Variants in FARS2 observed in about 807,000 individuals in gnomAD.
The protein encoded by FARS2 is phenylalanine--tRNA ligase, mitochondrial.
In FARS2, 40 loss-of-function variants were observed where a neutral mutation model predicts 46.4. The ratio of observed to expected loss-of-function variants is 0.86; its 90% CI spans 0.67 to 1.12. The LOEUF is 1.12. Among genes scored for constraint, FARS2 ranks in the 50% most tolerant of loss-of-function variants. The pLI is 0.00. For missense variants in FARS2, 513 were observed against 567.9 expected, an observed-to-expected ratio of 0.90 and a Z score of 0.98; for synonymous variants, 234 against 214.9, an observed-to-expected ratio of 1.09 and a Z score of -0.78.
At chr6:5,478,232 C>G (rs1410060588) in intron 4 of FARS2, among the ~76,000 whole-genome samples, 1 of 152,148 alleles carries the variant, frequency 6.6e-6, no homozygotes, top group African/African-American at 2.4e-5. Context: ...TTTCATTAGC[C>G]TAACCTGTGA....
intron 4 of FARS2, among the ~76,000 whole-genome samples, chr6:5,469,413 C>T (rs1390623785): frequency 3.9e-5 from 6 of 152,268 alleles, no homozygotes; most frequent in Admixed American, 3.3e-4. Context: ...TAGCTAATCC[C>T]TCCGCTGGAT....
intron 6 of FARS2, among the ~76,000 whole-genome samples, chr6:5,760,314 C>G (rs540700729): frequency 1.2e-4 from 18 of 152,204 alleles, no homozygotes; most frequent in Non-Finnish European, 2.2e-4. Flanking sequence ...ATAGGTGGCT[C>G]TTAATACCAT....
At chr6:5,287,565 G>A (rs1321062538) in intron 1 of FARS2, among the ~76,000 whole-genome samples, 1 of 152,098 alleles carries the variant, frequency 6.6e-6, no homozygotes, top group Non-Finnish European at 1.5e-5. Context: ...GGGGACATTC[G>A]GGCTGCTGTT....
At chr6:5,593,346 G>A (rs1460436660) in intron 5 of FARS2, among the ~76,000 whole-genome samples, 14 of 150,542 alleles carry the variant, frequency 9.3e-5, no homozygotes, top group African/African-American at 1.7e-4. Flanking sequence ...GTGCACGGCC[G>A]TACCCAGTAA....
intron 4 of FARS2, among the ~76,000 whole-genome samples, chr6:5,543,864 T>G (rs187260046): frequency 1.4e-4 from 21 of 150,306 alleles, no homozygotes; most frequent in Non-Finnish European, 3.0e-4. Context: ...TGAATCTGGA[T>G]TAGTTATGTT....
chr6:5,262,078 T>C (rs1765187579), intron 1 of FARS2, among the ~76,000 whole-genome samples: 1 of 152,174 alleles, frequency 6.6e-6, no homozygotes, highest in Non-Finnish European at 1.5e-5. Context: ...TAATCAACCT[T>C]AGGAAGAACC....
intron 6 of FARS2, among the ~76,000 whole-genome samples, chr6:5,698,069 G>C (rs1236381479): frequency 1.3e-5 from 2 of 152,154 alleles, no homozygotes; most frequent in Non-Finnish European, 2.9e-5. Context: ...GGGAAGAAAA[G>C]ATAAAGCACC....
At position 5,413,205 on chromosome 6, in the gene FARS2, T is replaced by C. The variant is rs552894621; in HGVS notation, c.772+8504T>C. On this transcript the variant is annotated intron_variant, in intron 3 of 6. Transcript: ENST00000274680. ...TAGTTGAGCTGAACTATAATACTTT[T>C]AAGGAGCCCAGAAACCTTCCTGATT... Among the ~76,000 whole-genome samples the C allele has an allele frequency of 5.9e-5, 9 of 152,318 alleles. No individual in the cohort carries two copies. The East Asian group carries it at 1.2e-3, about 20-fold the overall frequency.
chr6:5,613,110 T>A, intron 5 of FARS2, 59 bp from the exon 6 acceptor site: 1 of 1,476,366 alleles, frequency 6.8e-7, no homozygotes, highest in Non-Finnish European at 9.3e-7. Context: ...TTATGAAAAA[T>A]TTAAATATTC....
chr6:5,289,909 C>G (rs927593552), intron 1 of FARS2, among the ~76,000 whole-genome samples: 6 of 152,198 alleles, frequency 3.9e-5, no homozygotes, highest in African/African-American at 1.4e-4. Context: ...TCCCTGCCTC[C>G]AAACCCTATT....
chr6:5,610,073 G>A, intron 5 of FARS2: 1 of 920,112 alleles, frequency 1.1e-6, no homozygotes, highest in Middle Eastern at 3.2e-4. Flanking sequence ...TTACCACACA[G>A]TCCAGGAGCA....
rs1765815055 is a variant in FARS2, at chr6:5,471,703, G to A, written c.904+40531G>A. On this transcript the variant is annotated intron_variant, in intron 4 of 6. Coordinates refer to ENST00000274680, the MANE Select transcript of FARS2 (RefSeq NM_006567.5). This position sits in a 1 kb window ranked among gnomAD's most constrained non-coding sequence, Gnocchi z 4.1. ...GGCAGATCATATTCTGTATGATCTT[G>A]TTGGCTCATATTATGTGGTGATTAG... 6.6e-6 allele frequency among the ~76,000 whole-genome samples: 1 copy of A among 152,210 alleles called. No homozygotes were observed. The highest frequency in any genetic ancestry group is 6.5e-5 in the Admixed American group (1 of 15,290).
At chr6:5,502,847 A>G (rs1767880939) in intron 4 of FARS2, among the ~76,000 whole-genome samples, 1 of 152,224 alleles carries the variant, frequency 6.6e-6, no homozygotes, top group African/African-American at 2.4e-5. Context: ...CCAATTTTAT[A>G]TCACAGCCAT....
At chr6:5,679,399 C>T (rs1399047172) in intron 6 of FARS2, among the ~76,000 whole-genome samples, 1 of 152,136 alleles carries the variant, frequency 6.6e-6, no homozygotes, top group Non-Finnish European at 1.5e-5. Context: ...ACATTAAGCC[C>T]TACTGCACTG....
At chr6:5,483,219 C>G (rs1040570061) in intron 4 of FARS2, among the ~76,000 whole-genome samples, 29 of 152,188 alleles carry the variant, frequency 1.9e-4, no homozygotes, top group African/African-American at 7.0e-4. Context: ...CAAAACACAC[C>G]TTTATCGTAG....
intron 5 of FARS2, among the ~76,000 whole-genome samples, chr6:5,577,679 G>A (rs183084280): frequency 6.6e-6 from 1 of 152,298 alleles, no homozygotes; most frequent in South Asian, 2.1e-4. Flanking sequence ...GAGCAAGACT[G>A]TGGAATCTCT....
At chr6:5,341,494 C>G (rs1771650625) in intron 1 of FARS2, among the ~76,000 whole-genome samples, 1 of 150,774 alleles carries the variant, frequency 6.6e-6, no homozygotes, top group South Asian at 2.1e-4. Context: ...TATTTTTTAT[C>G]ATGACTTTAT....
chr6:5,390,875 A>T (rs1760466529), intron 2 of FARS2, among the ~76,000 whole-genome samples: 1 of 152,156 alleles, frequency 6.6e-6, no homozygotes, highest in African/African-American at 2.4e-5. Flanking sequence ...CATAGCTTAC[A>T]TGTTTTTCAA....
chr6:5,472,085 T>A (rs1050435445), intron 4 of FARS2, among the ~76,000 whole-genome samples: 1 of 152,200 alleles, frequency 6.6e-6, no homozygotes, highest in African/African-American at 2.4e-5. Context: ...TAAAGCATGC[T>A]CAGCCCCCTC....
Sources: allele counts gnomAD v4.1 joint callset (sites outside exome capture counted in the v4.1 genomes callset), GRCh38; gene constraint gnomAD v4.1.1; non-coding constraint Gnocchi (gnomAD v3.1); transcripts MANE v1.5; gene names NCBI Gene and HGNC (gene_info 2026-07-23, HGNC 2026-07-21).